The following CPNE9 variants were observed in gnomAD, a reference collection of about 807,000 sequenced individuals.
CPNE9 encodes copine-9.
In CPNE9, 59 loss-of-function variants were observed where a neutral mutation model predicts 83.0. That is an observed-to-expected ratio of 0.71 (90% CI 0.58 to 0.88). The LOEUF (loss-of-function observed/expected upper bound fraction) is 0.88, where lower values mean the gene tolerates loss of function less well. Ranked by LOEUF, CPNE9 falls within the 40% of genes least tolerant of loss-of-function variation. The pLI is 0.00. For synonymous variants in CPNE9, 256 were observed against 273.4 expected (o/e 0.94, Z 0.63); for missense variants, 619 against 720.8 (o/e 0.86, Z 1.62).
Position 9,703,989 on chromosome 3 carries a change from G to A in CPNE9, c.-8G>A, listed in dbSNP as rs762201064. 6.9e-6 allele frequency: 11 copies of A among 1,600,764 alleles called. No individual in the cohort carries two copies. In the South Asian group the frequency reaches 1.1e-4, roughly 16 times the overall value. On this transcript the variant is annotated 5_prime_UTR_variant, in exon 1 of 21. Coordinates refer to ENST00000383832, the MANE Select transcript of CPNE9 (RefSeq NM_153635.3). ...CAGCCTCCTGCGGCTCTGGTCGCCCGACCAGCCATGTCTCTCGGCGGAGCC... is the reference window on the plus strand; with the variant it reads ...CAGCCTCCTGCGGCTCTGGTCGCCCAACCAGCCATGTCTCTCGGCGGAGCC...
In CPNE9 at chr3:9,726,668, T is replaced by C; in HGVS notation, c.1348T>C (p.Ser450Pro). ...GTTCACCCTCTTTCCCCTACAGGCC[T>C]CCTCATTGCCCATGTCTATCATTAT... ...TQTKEAIVSA[S>P]SLPMSIIIVG... Residue 450 changes from serine (S) to proline (P), a missense_variant, in exon 19 of 21, where the codon TCC (serine) becomes CCC (proline). Ser to Pro is a moderately conservative substitution (Grantham distance 74). Coordinates refer to ENST00000383832, the MANE Select transcript of CPNE9 (RefSeq NM_153635.3). The C allele has an allele frequency of 6.2e-7, 1 of 1,613,742 alleles. No homozygotes were observed. Among genetic ancestry groups the C allele is most frequent in the Non-Finnish European group, 8.5e-7 (1 of 1,179,686 alleles).
chr3:9,718,567 C>T lies in CPNE9; in HGVS notation c.1206C>T (p.Pro402=). The change falls in exon 17 of 21, where the codon CCC becomes CCT. Residue 402 remains proline, a synonymous_variant. Transcript: ENST00000383832. The part of the protein sequence containing the change: ...QSLRTVQLYG[P]TYFAPVINQV... Reference sequence around the variant, plus strand: ...TGCGCACAGTGCAGCTCTATGGGCCCACCTACTTTGCTCCTGTCATCAACC... The same window carrying T: ...TGCGCACAGTGCAGCTCTATGGGCCTACCTACTTTGCTCCTGTCATCAACC... 3.7e-6 allele frequency: 6 copies of T among 1,613,414 alleles called. No individual in the cohort carries two copies. Among genetic ancestry groups the T allele is most frequent in the Non-Finnish European group, 4.2e-6 (5 of 1,179,638 alleles).
In CPNE9 at chr3:9,718,481, A is replaced by C. The variant is rs1459891755; in HGVS notation, c.1120A>C (p.Asn374His). ...AGGGCATATTCTTTGACAGAACAAC[A>C]ATGATGAGGACCCCAACTGTGCGGG... ...RISHQFPLNN[N>H]DEDPNCAGIE... The change falls in exon 17 of 21, where the codon AAT (asparagine) becomes CAT (histidine). Residue 374 changes from asparagine to histidine, a missense_variant. By Grantham distance (68) the Asn-to-His change is moderately conservative. This residue lies in a region of CPNE9 where 438 missense variants were observed against 562.9 expected (regional missense o/e 0.78). Transcript: ENST00000383832. The C allele has an allele frequency of 9.9e-6, 16 of 1,612,778 alleles. No individual in the cohort carries two copies. The South Asian group carries it at 1.8e-4, about 18-fold the overall frequency.
At chr3:9,729,073 G>A (rs945174362) in intron 20 of CPNE9, among the ~76,000 whole-genome samples, 1 of 152,198 alleles carries the variant, frequency 6.6e-6, no homozygotes, top group Admixed American at 6.5e-5. Flanking sequence ...TAGACCCAGA[G>A]GAATGGTGGT....
At chr3:9,705,545 A>C in intron 5 of CPNE9, 45 bp downstream of exon 5, 2 of 1,603,220 alleles carry the variant, frequency 1.2e-6, no homozygotes, top group Non-Finnish European at 1.7e-6. Flanking sequence ...CACAGGAGGC[A>C]CTTAGATGTG....
chr3:9,726,680 A>C lies in CPNE9; in HGVS notation c.1360A>C (p.Met454Leu). 1 of 1,613,976 alleles carries C rather than the reference A, an allele frequency of 6.2e-7. No homozygotes were observed. The highest frequency in any genetic ancestry group is 2.2e-5 in the East Asian group (1 of 44,868). ...EAIVSASSLPMSIIIVGVGPA... is the reference protein window; with the variant it reads ...EAIVSASSLPLSIIIVGVGPA... Reference sequence around the variant, plus strand: ...TCCCCTACAGGCCTCCTCATTGCCCATGTCTATCATTATCGTCGGTGTAGG... The same window carrying C: ...TCCCCTACAGGCCTCCTCATTGCCCCTGTCTATCATTATCGTCGGTGTAGG... The change falls in exon 19 of 21, where the codon ATG becomes CTG. Residue 454 changes from methionine (M) to leucine (L), a missense_variant. This residue lies in a region of CPNE9 where 438 missense variants were observed against 562.9 expected (regional missense o/e 0.78). Coordinates refer to ENST00000383832, the MANE Select transcript of CPNE9 (RefSeq NM_153635.3).
chr3:9,723,366 G>A (rs1357688892), intron 17 of CPNE9, among the ~76,000 whole-genome samples: 2 of 152,064 alleles, frequency 1.3e-5, no homozygotes, highest in Non-Finnish European at 2.9e-5. Flanking sequence ...CAGCTATTCA[G>A]GAGACTGAGG....
intron 20 of CPNE9, chr3:9,727,408 C>T (rs1212421708): frequency 2.8e-6 from 2 of 716,878 alleles, no homozygotes; most frequent in South Asian, 3.0e-5. Flanking sequence ...AGGCCCCTGC[C>T]CTCTAGTGGA....
intron 7 of CPNE9, among the ~76,000 whole-genome samples, chr3:9,708,375 T>C (rs377078835): frequency 8.5e-5 from 13 of 152,050 alleles, no homozygotes; most frequent in Middle Eastern, 3.4e-3. Flanking sequence ...GCTCCACAAA[T>C]TGGACCTAGA....
intron 7 of CPNE9, among the ~76,000 whole-genome samples, chr3:9,706,299 C>G (rs2076564568): frequency 6.6e-6 from 1 of 150,404 alleles, no homozygotes. Flanking sequence ...CTGTTTCTCT[C>G]TCTCTCTCCT....
chr3:9,707,629 AC>A (rs372853791), intron 7 of CPNE9, among the ~76,000 whole-genome samples: 32 of 150,674 alleles, frequency 2.1e-4, no homozygotes, highest in Middle Eastern at 3.5e-3. Flanking sequence ...AGGGAAAAAA[AC>A]AAAGGAAAGC....
chr3:9,727,268 C>A, intron 20 of CPNE9, 82 bp downstream of exon 20: 1 of 1,385,948 alleles, frequency 7.2e-7, no homozygotes, highest in Non-Finnish European at 1.0e-6. Context: ...CACTTACTGC[C>A]TTCTCAGTCT....
chr3:9,723,036 C>A (rs1235445887), intron 17 of CPNE9, among the ~76,000 whole-genome samples: 1 of 152,206 alleles, frequency 6.6e-6, no homozygotes, highest in Non-Finnish European at 1.5e-5. Context: ...TATTCTGCTC[C>A]ATGCTCAGCA....
At chr3:9,722,696 C>T (rs1036672755) in intron 17 of CPNE9, among the ~76,000 whole-genome samples, 1 of 151,890 alleles carries the variant, frequency 6.6e-6, no homozygotes, top group Non-Finnish European at 1.5e-5. Context: ...ATTATTTTTT[C>T]GTAGAGACAG....
At position 9,705,336 on chromosome 3, in the gene CPNE9, A is replaced by T. The variant is rs1429792017; in HGVS notation, c.261-128A>T. On this transcript the variant is annotated intron_variant, in intron 4 of 20. Transcript: ENST00000383832. ...CCTGACTCCTCCCCAAAAGGAGACC[A>T]AAGCTGAATTCGGGTCCACGGCCGC... 4.1e-6 allele frequency: 3 copies of T among 735,464 alleles called. No homozygotes were observed. In the East Asian group the frequency reaches 8.0e-5, roughly 20 times the overall value. The allele number at this position is 735,464 out of a possible 1,614,324, so 45.6% of individuals were successfully genotyped here.
chr3:9,720,053 C>T (rs2125472198), intron 17 of CPNE9, among the ~76,000 whole-genome samples: 1 of 149,602 alleles, frequency 6.7e-6, no homozygotes, highest in African/African-American at 2.5e-5. Context: ...CAAAGAAAAC[C>T]CAGATCATAC....
In CPNE9 at chr3:9,712,711, TCATC is replaced by T. The variant is rs1431143677; in HGVS notation, c.442-8_442-5del. On this transcript the variant is annotated splice_polypyrimidine_tract_variant and intron_variant, in intron 8 of 20. Coordinates refer to ENST00000383832, the MANE Select transcript of CPNE9 (RefSeq NM_153635.3). Reference sequence around the variant, plus strand: ...CAATTGGGGTGCCACCAGCCCAACTTCATCCATCCCTAGGACATTGCCACCATGC... The same window carrying T: ...CAATTGGGGTGCCACCAGCCCAACTTCATCCCTAGGACATTGCCACCATGC... 1.2e-6 allele frequency: 2 copies of T among 1,613,152 alleles called. No individual in the cohort carries two copies. The highest frequency in any genetic ancestry group is 2.7e-5 in the African/African-American group (2 of 74,902).
chr3:9,729,712 C>A lies in CPNE9; in HGVS notation c.*20C>A. ...CCCTGAGGATTCCACATATCCAATG[C>A]CTCACAGTCTGCAAGCCTGCTCACC... On this transcript the variant is annotated 3_prime_UTR_variant, in exon 21 of 21. Coordinates refer to ENST00000383832, the MANE Select transcript of CPNE9 (RefSeq NM_153635.3). The A allele has an allele frequency of 6.3e-7, 1 of 1,596,906 alleles. No individual in the cohort carries two copies. Among genetic ancestry groups the A allele is most frequent in the Non-Finnish European group, 8.6e-7 (1 of 1,167,480 alleles).
At chr3:9,713,145 G>T (rs2125465376) in intron 10 of CPNE9, 66 bp downstream of exon 10, 2 of 1,193,886 alleles carry the variant, frequency 1.7e-6, no homozygotes, top group East Asian at 2.4e-5. Context: ...CTGGGCCCAA[G>T]AATGATAGTA....
Sources: gnomAD v4.1 joint callset for allele counts (sites outside exome capture counted in the v4.1 genomes callset) on GRCh38, gnomAD v4.1.1 for gene constraint, gnomAD v4.1.1 regional missense constraint, MANE v1.5 for transcripts, NCBI Gene and HGNC (gene_info 2026-07-23, HGNC 2026-07-21) for gene names.